The following FYB2 variants were observed in gnomAD, a reference collection of about 807,000 sequenced individuals.
FYB2 encodes the protein FYN binding protein 2, also known as FYN-binding protein 2.
In FYB2, 103 loss-of-function variants were observed where a neutral mutation model predicts 94.1. The observed-to-expected ratio is 1.09, with a 90% CI of 0.93 to 1.29. The LOEUF (loss-of-function observed/expected upper bound fraction) is 1.29. Ranked by LOEUF, FYB2 falls within the 50% of genes most tolerant of loss-of-function variation. The pLI, the probability that FYB2 is intolerant of heterozygous loss-of-function variation, is 0.00. For missense variants in FYB2, 896 were observed against 841.5 expected (o/e 1.06, Z -0.80); for synonymous variants, 293 against 287.9 (o/e 1.02, Z -0.18).
upstream of FYB2, among the ~76,000 whole-genome samples, chr1:56,820,226 C>CAAA (rs112651204): frequency 0.15 from 18,600 of 122,192 alleles, 1,683 homozygotes; most frequent in African/African-American, 0.27. Context: ...GACTCCGTCT[C>CAAA]AAAAAAAAAA....
intron 6 of FYB2, among the ~76,000 whole-genome samples, chr1:56,757,694 CTTTCTTTCT>C (rs1645376428): frequency 1.4e-5 from 1 of 73,708 alleles, no homozygotes; most frequent in African/African-American, 6.6e-5. Flanking sequence ...TTCCTTCTTT[CTTTCTTTCT>C]TTCTTTCTTT....
At chr1:56,771,163 T>C (rs180854444) in intron 4 of FYB2, among the ~76,000 whole-genome samples, 3 of 152,070 alleles carry the variant, frequency 2.0e-5, no homozygotes, top group African/African-American at 4.8e-5. Context: ...CCTACAAATA[T>C]AGGAGAATGA....
intron 1 of FYB2, among the ~76,000 whole-genome samples, chr1:56,803,390 C>T (rs143927275): frequency 3.3e-5 from 5 of 152,258 alleles, no homozygotes; most frequent in African/African-American, 9.6e-5. Context: ...GAACTTTTCC[C>T]TAACCACTTC....
At chr1:56,722,396 T>C (rs193169558) in intron 17 of FYB2, among the ~76,000 whole-genome samples, 271 of 152,218 alleles carry the variant, frequency 1.8e-3, no homozygotes, top group African/African-American at 6.1e-3. Flanking sequence ...TAGTGTAATA[T>C]GATGAACATG....
At chr1:56,819,593 G>A (rs115618898), upstream of FYB2, 6,184 of 539,948 alleles carry the variant, frequency 0.011, 59 homozygotes, top group Non-Finnish European at 0.016. Flanking sequence ...GGCTCTTCCC[G>A]TTGCTCCCCT....
At chr1:56,802,782 C>A (rs1344020362) in intron 1 of FYB2, among the ~76,000 whole-genome samples, 3 of 151,802 alleles carry the variant, frequency 2.0e-5, no homozygotes, top group Non-Finnish European at 4.4e-5. Flanking sequence ...GATCATATCA[C>A]CTTGCACTTT....
intron 5 of FYB2, among the ~76,000 whole-genome samples, chr1:56,760,449 G>A (rs1188550606): frequency 1.3e-5 from 2 of 152,098 alleles, no homozygotes; most frequent in Non-Finnish European, 2.9e-5. Context: ...TTAATAATAT[G>A]TATTTCAACT....
intron 9 of FYB2, among the ~76,000 whole-genome samples, chr1:56,746,041 T>A (rs998185272): frequency 2.0e-5 from 3 of 151,998 alleles, no homozygotes; most frequent in African/African-American, 7.2e-5. Context: ...GCAACCTCTA[T>A]CACCTCTACC....
chr1:56,740,668 G>T (rs140587063), intron 13 of FYB2, 29 bp downstream of exon 13: 2 of 1,352,520 alleles, frequency 1.5e-6, no homozygotes, highest in Non-Finnish European at 2.1e-6. Flanking sequence ...TAATCCCCTC[G>T]TGGAAAGGGA....
chr1:56,792,203 T>G lies in FYB2; in HGVS notation c.610A>C (p.Lys204Gln). The G allele has an allele frequency of 6.2e-7, 1 of 1,613,996 alleles. No individual in the cohort carries two copies. Among genetic ancestry groups the G allele is most frequent in the Non-Finnish European group, 8.5e-7 (1 of 1,179,960 alleles). ...LPSQKHVVAP[K>Q]ILHNVSEDPS... is the part of the protein sequence containing the mutation. ...TCTTCAGAGACGTTATGTAATATTT[T>G]GGGGGCCACCACGTGCTTCTGGGAA... Residue 204 changes from lysine to glutamine, a missense_variant, in exon 2 of 20, where the codon AAA becomes CAA. By Grantham distance (53) the Lys-to-Gln change is moderately conservative (BLOSUM62 1). Coordinates refer to ENST00000343433, the MANE Select transcript of FYB2 (RefSeq NM_001004303.5).
At chr1:56,758,670 T>C (rs775552097) in intron 6 of FYB2, 46 bp downstream of exon 6, 1 of 1,448,580 alleles carries the variant, frequency 6.9e-7, no homozygotes, top group African/African-American at 1.4e-5. Context: ...CAACCTTGCA[T>C]GCTTATTTTA....
chr1:56,779,558 C>G (rs1055598806), intron 4 of FYB2, among the ~76,000 whole-genome samples: 1 of 152,108 alleles, frequency 6.6e-6, no homozygotes, highest in African/African-American at 2.4e-5. Context: ...ATTGGACATG[C>G]AAACCAAGGC....
At chr1:56,751,709 C>A (rs1023013652) in intron 8 of FYB2, among the ~76,000 whole-genome samples, 35 of 152,036 alleles carry the variant, frequency 2.3e-4, no homozygotes, top group African/African-American at 8.2e-4. Flanking sequence ...CTTCTCACTT[C>A]TTTCTTCACT....
intron 13 of FYB2, among the ~76,000 whole-genome samples, chr1:56,740,450 T>C (rs1382848384): frequency 6.6e-6 from 1 of 152,090 alleles, no homozygotes; most frequent in Non-Finnish European, 1.5e-5. Context: ...CTTAAGATTT[T>C]CCCTCTACCC....
chr1:56,742,326 T>C (rs1644974892), intron 11 of FYB2, 105 bp from the exon 12 acceptor site: 1 of 793,128 alleles, frequency 1.3e-6, no homozygotes, highest in Non-Finnish European at 1.9e-6. Context: ...GGTACTTTGA[T>C]CTTTCTTTTG....
At chr1:56,776,296 G>A (rs1206186733) in intron 4 of FYB2, among the ~76,000 whole-genome samples, 2 of 152,124 alleles carry the variant, frequency 1.3e-5, no homozygotes, top group Non-Finnish European at 2.9e-5. Flanking sequence ...TGGGGAAAAT[G>A]TTATGGGGAA....
chr1:56,783,082 T>C (rs544075876), intron 4 of FYB2, among the ~76,000 whole-genome samples: 3 of 152,152 alleles, frequency 2.0e-5, no homozygotes, highest in Non-Finnish European at 4.4e-5. Context: ...CATCTCACTG[T>C]TGGAAACTAA....
intron 4 of FYB2, among the ~76,000 whole-genome samples, chr1:56,782,610 C>T (rs12753238): frequency 0.32 from 48,447 of 151,644 alleles, 8,505 homozygotes; most frequent in Non-Finnish European, 0.4. Context: ...AAGAAGTCAT[C>T]GGAAAGATTC....
intron 1 of FYB2, among the ~76,000 whole-genome samples, chr1:56,804,751 A>G (rs1206521023): frequency 9.9e-6 from 1 of 100,604 alleles, no homozygotes; most frequent in African/African-American, 2.7e-5. Flanking sequence ...AAATAAATAC[A>G]TAAATAAATA....
Sources: gnomAD v4.1 joint callset for allele counts (sites outside exome capture counted in the v4.1 genomes callset) on GRCh38, gnomAD v4.1.1 for gene constraint, MANE v1.5 for transcripts, NCBI Gene and HGNC (gene_info 2026-07-23, HGNC 2026-07-21) for gene names.